RHOJ: variants seen among roughly 807,000 people sequenced by gnomAD.
RHOJ encodes the protein rho-related GTP-binding protein RhoJ.
In RHOJ, 11 loss-of-function variants were observed where a neutral mutation model predicts 23.4. The ratio of observed to expected loss-of-function variants is 0.47; its 90% confidence interval spans 0.30 to 0.78. The LOEUF (loss-of-function observed/expected upper bound fraction) is 0.78. Among genes scored for constraint, RHOJ ranks in the 30% least tolerant of loss-of-function variants. The pLI is 0.08. For synonymous variants in RHOJ, 102 were observed against 102.7 expected (o/e 0.99, Z 0.04); for missense variants, 254 against 273.4 (o/e 0.93, Z 0.50).
At chr14:63,284,649 T>G (rs1997916) in intron 4 of RHOJ, among the ~76,000 whole-genome samples, 12,263 of 152,218 alleles carry the variant, frequency 0.081, 611 homozygotes, top group African/African-American at 0.13. Context: ...CAAACATTCA[T>G]CCTCAAATGC....
At chr14:63,264,979 T>G (rs1039775603) in intron 1 of RHOJ, among the ~76,000 whole-genome samples, 2 of 152,232 alleles carry the variant, frequency 1.3e-5, no homozygotes, top group African/African-American at 4.8e-5. Flanking sequence ...ACTCTGTTGA[T>G]AGTTTGTTTT....
At chr14:63,210,246 C>G (rs1327536632) in intron 1 of RHOJ, among the ~76,000 whole-genome samples, 1 of 152,172 alleles carries the variant, frequency 6.6e-6, no homozygotes, top group Non-Finnish European at 1.5e-5. Context: ...AGGCGTGAAC[C>G]ACCACGCCCA....
Position 63,262,932 on chromosome 14 carries a change from G to A in RHOJ, c.179-6178G>A, listed in dbSNP as rs146643553. ...AATATTAAGATCACACCATGTGCCA[G>A]TTAATGTGCACTGAGTATTCAGTGG... is the stretch of plus-strand genomic sequence containing the variant. On this transcript the variant is annotated intron_variant, in intron 1 of 4. Transcript: ENST00000316754. Among the ~76,000 whole-genome samples the A allele has an allele frequency of 3.9e-5, 6 of 152,320 alleles. No homozygotes were observed. In the East Asian group the frequency reaches 1.2e-3, roughly 29 times the overall value.
At chr14:63,233,374 C>T (rs1894732556) in intron 1 of RHOJ, among the ~76,000 whole-genome samples, 1 of 152,124 alleles carries the variant, frequency 6.6e-6, no homozygotes, top group Admixed American at 6.5e-5. Flanking sequence ...GGTTGCACAA[C>T]TCTGTGATTC....
chr14:63,223,493 C>T (rs769045453), intron 1 of RHOJ, among the ~76,000 whole-genome samples: 4 of 152,132 alleles, frequency 2.6e-5, no homozygotes, highest in Non-Finnish European at 4.4e-5. Flanking sequence ...TTTCTCTTAC[C>T]GGGAGGTAAT....
At chr14:63,264,733 G>C (rs1056620900) in intron 1 of RHOJ, among the ~76,000 whole-genome samples, 5 of 152,186 alleles carry the variant, frequency 3.3e-5, no homozygotes, top group African/African-American at 1.2e-4. Flanking sequence ...GTGTGAGATA[G>C]TATTTTACTA....
chr14:63,280,598 C>T (rs930098930), intron 2 of RHOJ, among the ~76,000 whole-genome samples: 7 of 152,154 alleles, frequency 4.6e-5, no homozygotes, highest in Admixed American at 2.6e-4. Flanking sequence ...ATTTGTTTCA[C>T]TGTAGCATAT....
At chr14:63,249,145 A>C (rs1227298047) in intron 1 of RHOJ, among the ~76,000 whole-genome samples, 1 of 152,242 alleles carries the variant, frequency 6.6e-6, no homozygotes, top group Admixed American at 6.5e-5. Context: ...AAAGAAAAGA[A>C]GGCATGAAAT....
At chr14:63,235,305 T>A (rs1894769313) in intron 1 of RHOJ, among the ~76,000 whole-genome samples, 1 of 149,982 alleles carries the variant, frequency 6.7e-6, no homozygotes, top group Non-Finnish European at 1.5e-5. Flanking sequence ...ATCCTGATTT[T>A]AAAAAGAAAA....
intron 4 of RHOJ, among the ~76,000 whole-genome samples, chr14:63,289,880 CAT>C (rs1034683464): frequency 2.6e-5 from 4 of 151,926 alleles, no homozygotes; most frequent in African/African-American, 2.4e-5. Context: ...ATTATCGTTA[CAT>C]GTTTTATTGT....
intron 1 of RHOJ, among the ~76,000 whole-genome samples, chr14:63,253,459 G>A (rs1168928398): frequency 6.6e-6 from 1 of 151,434 alleles, no homozygotes; most frequent in Admixed American, 6.6e-5. Context: ...TCAAACTCCT[G>A]GCCTCAAGTG....
chr14:63,210,669 A>G (rs1043185490), intron 1 of RHOJ, among the ~76,000 whole-genome samples: 8 of 152,216 alleles, frequency 5.3e-5, no homozygotes, highest in African/African-American at 1.9e-4. Flanking sequence ...GTTTTGTAGC[A>G]GACCCCTCAC....
chr14:63,264,572 G>C (rs1405832593), intron 1 of RHOJ, among the ~76,000 whole-genome samples: 1 of 152,158 alleles, frequency 6.6e-6, no homozygotes, highest in Non-Finnish European at 1.5e-5. Context: ...TCAAATGGTA[G>C]TTTTAAGTTC....
chr14:63,288,567 G>A (rs1882155796), intron 4 of RHOJ, among the ~76,000 whole-genome samples: 1 of 152,248 alleles, frequency 6.6e-6, no homozygotes, highest in Non-Finnish European at 1.5e-5. Context: ...AAATGCAATA[G>A]AAGGCATTTC....
chr14:63,270,475 C>A (rs555917456), intron 2 of RHOJ, among the ~76,000 whole-genome samples: 1 of 152,256 alleles, frequency 6.6e-6, no homozygotes, highest in African/African-American at 2.4e-5. Context: ...ACGCCAATAG[C>A]AAGACATACG....
At chr14:63,270,848 AGTCAGTT>A (rs1895456265) in intron 2 of RHOJ, among the ~76,000 whole-genome samples, 1 of 152,184 alleles carries the variant, frequency 6.6e-6, no homozygotes, top group Non-Finnish European at 1.5e-5. Context: ...CCTGCTGCCC[AGTCAGTT>A]GTCCCCTCTT....
intron 1 of RHOJ, among the ~76,000 whole-genome samples, chr14:63,247,632 C>CAGAA: frequency 6.6e-6 from 1 of 152,112 alleles, no homozygotes; most frequent in African/African-American, 2.4e-5. Context: ...TGAATGTGCC[C>CAGAA]TTGGGTAGAA....
intron 2 of RHOJ, among the ~76,000 whole-genome samples, chr14:63,272,557 A>G (rs563219408): frequency 6.6e-6 from 1 of 152,352 alleles, no homozygotes; most frequent in African/African-American, 2.4e-5. Flanking sequence ...TCTGAGAGGT[A>G]AAGTAATAGG....
chr14:63,258,521 T>C (rs1012406570), intron 1 of RHOJ, among the ~76,000 whole-genome samples: 2 of 152,038 alleles, frequency 1.3e-5, no homozygotes, highest in Admixed American at 1.3e-4. Context: ...ATTATAAAAG[T>C]TTATCATCAT....
Sources: allele counts gnomAD v4.1 joint callset (sites outside exome capture counted in the v4.1 genomes callset), GRCh38; gene constraint gnomAD v4.1.1; transcripts MANE v1.5; gene names NCBI Gene and HGNC (gene_info 2026-07-23, HGNC 2026-07-21).